The following SCN9A variants were observed in gnomAD, a reference collection of about 807,000 sequenced individuals.
SCN9A encodes the protein sodium voltage-gated channel alpha subunit 9.
Under a neutral mutation model 187.0 loss-of-function variants are expected in SCN9A, and 131 were observed. The ratio of observed to expected loss-of-function variants is 0.70; its 90% CI spans 0.61 to 0.81. The LOEUF is 0.81. SCN9A is among the 30% of genes least tolerant of loss of function. The probability of loss-of-function intolerance (pLI) is 0.00; values close to 1 mark genes in which losing one functional copy is unlikely to be tolerated. For missense variants in SCN9A, 2,252 were observed against 2,396.6 expected (o/e 0.94, Z 1.26); for synonymous variants, 809 against 808.6 (o/e 1.00, Z -0.01).
chr2:166,358,955 T>C (rs574771040), intron 1 of SCN9A, among the ~76,000 whole-genome samples: 2 of 152,326 alleles, frequency 1.3e-5, no homozygotes, highest in East Asian at 3.9e-4. Flanking sequence ...AAAGCAGTAA[T>C]CTGAATTTAT....
chr2:166,315,664 T>C (rs990202843), intron 1 of SCN9A, among the ~76,000 whole-genome samples: 1 of 152,202 alleles, frequency 6.6e-6, no homozygotes, highest in Admixed American at 6.5e-5. Context: ...GCAGCTTTAG[T>C]TGGCATCTGA....
At chr2:166,227,790 T>G in intron 22 of SCN9A, 67 bp from the exon 23 acceptor site, 1 of 821,818 alleles carries the variant, frequency 1.2e-6, no homozygotes, top group Non-Finnish European at 2.1e-6. Flanking sequence ...TAAACAGAGT[T>G]TTGTCTGTTT....
At chr2:166,243,816 T>C (rs1376664643) in intron 18 of SCN9A, among the ~76,000 whole-genome samples, 1 of 151,736 alleles carries the variant, frequency 6.6e-6, no homozygotes. Flanking sequence ...GCAATGTAAA[T>C]AGATGTCTCC....
intron 1 of SCN9A, among the ~76,000 whole-genome samples, chr2:166,316,489 T>C (rs2105236611): frequency 6.6e-6 from 1 of 152,270 alleles, no homozygotes; most frequent in East Asian, 1.9e-4. Context: ...GGTCAGGAGA[T>C]CGAGACCAAC....
intron 18 of SCN9A, among the ~76,000 whole-genome samples, chr2:166,244,280 A>G (rs1161895124): frequency 2.0e-5 from 3 of 152,058 alleles, no homozygotes; most frequent in African/African-American, 7.2e-5. Context: ...TCACACAAAA[A>G]GAGTATTTAG....
chr2:166,214,006 C>T (rs1237342461), intron 24 of SCN9A, among the ~76,000 whole-genome samples: 1 of 152,130 alleles, frequency 6.6e-6, no homozygotes, highest in Non-Finnish European at 1.5e-5. Context: ...CTATAGCACA[C>T]ATATAGAACC....
At chr2:166,238,589 TAAGTCCTAGC>T (rs1328070653) in intron 19 of SCN9A, among the ~76,000 whole-genome samples, 2 of 152,190 alleles carry the variant, frequency 1.3e-5, no homozygotes, top group African/African-American at 4.8e-5. Context: ...TAAAATTGGA[TAAGTCCTAGC>T]AATTTAAGAC....
chr2:166,271,390 G>A (rs1339332014), intron 17 of SCN9A, among the ~76,000 whole-genome samples: 3 of 152,100 alleles, frequency 2.0e-5, no homozygotes, highest in Non-Finnish European at 4.4e-5. Context: ...GTGATGCCTT[G>A]AAGGATTTTG....
At chr2:166,361,930 C>T (rs1229783370) in intron 1 of SCN9A, among the ~76,000 whole-genome samples, 1 of 152,054 alleles carries the variant, frequency 6.6e-6, no homozygotes, top group African/African-American at 2.4e-5. Flanking sequence ...AATCCAAGCA[C>T]AGTAACAGCT....
Position 166,251,792 on chromosome 2 carries a change from C to T in SCN9A, c.3445G>A (p.Asp1149Asn), listed in dbSNP as rs199859971. 3.4e-5 allele frequency: 55 copies of T among 1,612,626 alleles called. No homozygotes were observed. The highest frequency in any genetic ancestry group is 6.6e-5 in the South Asian group (6 of 91,036). ...TCTGTGAAACAGGCCTCTGGCTCATCGGAATTCATAGGTTCAGCCTCTGCT... is the reference window on the plus strand; with the variant it reads ...TCTGTGAAACAGGCCTCTGGCTCATTGGAATTCATAGGTTCAGCCTCTGCT... Reference protein sequence around the residue: ...EEAEAEPMNSDEPEACFTDGC... With the variant: ...EEAEAEPMNSNEPEACFTDGC... The change falls in exon 18 of 27, where the codon GAT becomes AAT. Residue 1149 changes from aspartate to asparagine, a missense_variant. By Grantham distance (23) the Asp-to-Asn change is conservative (BLOSUM62 1). Coordinates refer to ENST00000642356, the MANE Select transcript of SCN9A (RefSeq NM_001365536.1).
intron 24 of SCN9A, among the ~76,000 whole-genome samples, chr2:166,212,662 A>C (rs1694149204): frequency 6.6e-6 from 1 of 152,222 alleles, no homozygotes; most frequent in South Asian, 2.1e-4. Flanking sequence ...AGAATATGCT[A>C]CCCAACAGCA....
At chr2:166,292,234 C>T (rs2106501022) in intron 9 of SCN9A, among the ~76,000 whole-genome samples, 1 of 152,024 alleles carries the variant, frequency 6.6e-6, no homozygotes, top group African/African-American at 2.4e-5. Context: ...AGATAATTAA[C>T]ATTTCTATTA....
chr2:166,346,441 C>G (rs1164261562), intron 1 of SCN9A, among the ~76,000 whole-genome samples: 2 of 152,090 alleles, frequency 1.3e-5, no homozygotes, highest in African/African-American at 4.8e-5. Context: ...TTTAAAACAA[C>G]TCAATACTGT....
At chr2:166,264,085 A>G (rs2106445764) in intron 17 of SCN9A, among the ~76,000 whole-genome samples, 1 of 152,116 alleles carries the variant, frequency 6.6e-6, no homozygotes, top group Non-Finnish European at 1.5e-5. Flanking sequence ...CTAGACCCTG[A>G]GCCCTTATAT....
At chr2:166,285,691 T>C (rs1697707259) in intron 11 of SCN9A, among the ~76,000 whole-genome samples, 1 of 152,028 alleles carries the variant, frequency 6.6e-6, no homozygotes, top group Non-Finnish European at 1.5e-5. Context: ...ATTTGTGGGG[T>C]TGTGTGATGG....
In SCN9A at chr2:166,228,661, T is replaced by A. The variant is rs201715282; in HGVS notation, c.4206+30A>T. 72 of 1,548,284 alleles carry A rather than the reference T, an allele frequency of 4.7e-5. 1 individual carries two copies. The Middle Eastern group carries it at 5.2e-4, about 11-fold the overall frequency. Reference sequence around the variant, plus strand: ...ATCCTTCGTCCAATATCTATTAAAATACCAAGCACTCATGAAATGGGACAC... The same window carrying A: ...ATCCTTCGTCCAATATCTATTAAAAAACCAAGCACTCATGAAATGGGACAC... On this transcript the variant is annotated intron_variant, in intron 22 of 26. Coordinates refer to ENST00000642356, the MANE Select transcript of SCN9A (RefSeq NM_001365536.1).
At position 166,222,945 on chromosome 2, in the gene SCN9A, C is replaced by CAAAAAAAAAAAAAAAAAAAAA. The variant is rs1309168684; in HGVS notation, c.4398+3601_4398+3621dup. Among the ~76,000 whole-genome samples, 209 of 44,868 alleles carry CAAAAAAAAAAAAAAAAAAAAA rather than the reference C, an allele frequency of 4.7e-3. 16 individuals are homozygous for CAAAAAAAAAAAAAAAAAAAAA. Among genetic ancestry groups the CAAAAAAAAAAAAAAAAAAAAA allele is most frequent in the Non-Finnish European group, 5.3e-3 (132 of 25,124 alleles). The allele number at this position is 44,868 out of a possible 152,430, so 29.4% of individuals were successfully genotyped here. ...AACTCCGTCTCAAAAAAAAAAACAA[C>CAAAAAAAAAAAAAAAAAAAAA]AAAAAAAAAAAAAAAAAAAAAAAAA... On this transcript the variant is annotated intron_variant, in intron 24 of 26. Coordinates refer to ENST00000642356, the MANE Select transcript of SCN9A (RefSeq NM_001365536.1).
At chr2:166,217,344 C>T (rs1422394405) in intron 24 of SCN9A, among the ~76,000 whole-genome samples, 2 of 151,906 alleles carry the variant, frequency 1.3e-5, no homozygotes, top group Non-Finnish European at 2.9e-5. Context: ...TAACAAAAGA[C>T]AATAAGAGAC....
At position 166,233,293 on chromosome 2, in the gene SCN9A, A is replaced by T. The variant is rs539010893; in HGVS notation, c.3924+47T>A. On this transcript the variant is annotated intron_variant, in intron 21 of 26. Coordinates refer to ENST00000642356, the MANE Select transcript of SCN9A (RefSeq NM_001365536.1). ...ACATACCCATTGTTTTTATATTTTA[A>T]ACCCCATTAAAAAATAAGAACATTA... 3.7e-6 allele frequency: 5 copies of T among 1,343,640 alleles called. No individual in the cohort carries two copies. The South Asian group carries it at 7.8e-5, about 21-fold the overall frequency. 83.2% of individuals were successfully genotyped at this position (1,343,640 alleles called of 1,614,324 possible). A position where few individuals can be genotyped will look rare whatever the true frequency, so the allele number is the denominator to read the frequency against.
Sources: allele counts gnomAD v4.1 joint callset (sites outside exome capture counted in the v4.1 genomes callset), GRCh38; gene constraint gnomAD v4.1.1; transcripts MANE v1.5; gene names NCBI Gene and HGNC (gene_info 2026-07-23, HGNC 2026-07-21).